UBE2D2: variants seen among roughly 807,000 people sequenced by gnomAD.
UBE2D2 encodes ubiquitin-conjugating enzyme E2 D2.
Under a neutral mutation model 24.2 loss-of-function variants are expected in UBE2D2, and 2 were observed. That is an observed-to-expected ratio of 0.08 (90% confidence interval 0.03 to 0.26). The LOEUF (loss-of-function observed/expected upper bound fraction) is 0.26. UBE2D2 is among the 10% of genes least tolerant of loss of function. UBE2D2 has a pLI of 1.00. For synonymous variants in UBE2D2, 58 were observed against 56.5 expected, an observed-to-expected ratio of 1.03 and a Z score of -0.12; for missense variants, 44 against 177.6, an observed-to-expected ratio of 0.25 and a Z score of 4.28.
At chr5:139,621,711 C>G (rs576552758) in intron 5 of UBE2D2, among the ~76,000 whole-genome samples, 1 of 152,032 alleles carries the variant, frequency 6.6e-6, no homozygotes, top group African/African-American at 2.4e-5. Context: ...CAGCCTTAAC[C>G]TCTTGGGCGT....
chr5:139,572,770 C>T lies in UBE2D2; in HGVS notation c.24+10955C>T, dbSNP rs929714527. ...AAGCAATTCTCCTGCCTCAGCCTCC[C>T]AAGAAAAGAAGCTGGGATTACAGGC... On this transcript the variant is annotated intron_variant, in intron 1 of 6. Transcript: ENST00000398733. 3.3e-5 allele frequency among the ~76,000 whole-genome samples: 5 copies of T among 151,758 alleles called. No homozygotes were observed. The East Asian group carries it at 9.8e-4, about 30-fold the overall frequency.
chr5:139,562,391 C>T, intron 1 of UBE2D2: 1 of 1,305,474 alleles, frequency 7.7e-7, no homozygotes, highest in Non-Finnish European at 1.0e-6. Context: ...GTTGGAAGTT[C>T]AGAAGAAAAA....
At chr5:139,575,909 T>C (rs1753459681) in intron 1 of UBE2D2, among the ~76,000 whole-genome samples, 1 of 152,146 alleles carries the variant, frequency 6.6e-6, no homozygotes, top group Non-Finnish European at 1.5e-5. Flanking sequence ...TCATAGCTAC[T>C]GGGAAGACTG....
rs573846127 is a variant in UBE2D2 at position 139,580,842 on chromosome 5, G to A, written c.24+19027G>A. 5.3e-5 allele frequency among the ~76,000 whole-genome samples: 8 copies of A among 152,300 alleles called. No homozygotes were observed. The South Asian group carries it at 1.7e-3, about 32-fold the overall frequency. ...GATGCTAAGGCAGTATTGCATGAGCGTAGTTTAAGGTTTCAGTGAGCTATG... is the reference window on the plus strand; with the variant it reads ...GATGCTAAGGCAGTATTGCATGAGCATAGTTTAAGGTTTCAGTGAGCTATG... On this transcript the variant is annotated intron_variant, in intron 1 of 6. Coordinates refer to ENST00000398733, the MANE Select transcript of UBE2D2 (RefSeq NM_003339.3).
At chr5:139,591,134 T>G (rs1193853195) in intron 1 of UBE2D2, among the ~76,000 whole-genome samples, 1 of 150,240 alleles carries the variant, frequency 6.7e-6, no homozygotes, top group African/African-American at 2.5e-5. Flanking sequence ...CTCTTTTTTT[T>G]TTTTAAGACG....
intron 1 of UBE2D2, among the ~76,000 whole-genome samples, chr5:139,544,286 G>A (rs1752796796): frequency 6.8e-6 from 1 of 146,938 alleles, no homozygotes; most frequent in Non-Finnish European, 1.5e-5. Context: ...GTGAGCCACT[G>A]CAATTTTTTT....
At chr5:139,551,081 A>G (rs1752914759) in intron 1 of UBE2D2, among the ~76,000 whole-genome samples, 1 of 152,150 alleles carries the variant, frequency 6.6e-6, no homozygotes, top group Non-Finnish European at 1.5e-5. Flanking sequence ...GGGGGAGGTC[A>G]CACCTGTAAT....
chr5:139,573,145 C>CA (rs1182583249), intron 1 of UBE2D2, among the ~76,000 whole-genome samples: 12 of 151,156 alleles, frequency 7.9e-5, no homozygotes, highest in Admixed American at 5.3e-4. Context: ...ACTAAAAATA[C>CA]AAAAAAATTA....
chr5:139,584,533 C>CTT (rs10642044), intron 1 of UBE2D2, among the ~76,000 whole-genome samples: 41,733 of 132,702 alleles, frequency 0.31, 8,552 homozygotes, highest in African/African-American at 0.58. Flanking sequence ...CTTTTCTTTT[C>CTT]TTTTTTTTTT....
intron 5 of UBE2D2, among the ~76,000 whole-genome samples, chr5:139,619,062 T>C (rs1754467150): frequency 6.6e-6 from 1 of 152,160 alleles, no homozygotes; most frequent in African/African-American, 2.4e-5. Flanking sequence ...CATTTGATTA[T>C]ATGTTTTTAG....
intron 1 of UBE2D2, among the ~76,000 whole-genome samples, chr5:139,551,630 G>A (rs1311330772): frequency 6.6e-6 from 1 of 152,184 alleles, no homozygotes; most frequent in Non-Finnish European, 1.5e-5. Context: ...TGAGATGCTA[G>A]ACACTGGGGA....
intron 1 of UBE2D2, chr5:139,554,889 G>A (rs1380699269): frequency 1.3e-5 from 2 of 151,582 alleles, no homozygotes; most frequent in African/African-American, 4.9e-5. Flanking sequence ...ATGATATCGT[G>A]ATTTTTTTTT....
intron 1 of UBE2D2, among the ~76,000 whole-genome samples, chr5:139,564,337 A>G (rs1323382805): frequency 1.3e-5 from 2 of 151,770 alleles, no homozygotes; most frequent in South Asian, 2.1e-4. Flanking sequence ...TGTTTTTAGT[A>G]GAAACGGGGT....
In UBE2D2 at chr5:139,622,226, T is replaced by A. The variant is rs1479654717; in HGVS notation, c.305-1142T>A. Among the ~76,000 whole-genome samples, 35 of 152,034 alleles carry A rather than the reference T, an allele frequency of 2.3e-4. No homozygotes were observed. The East Asian group carries it at 6.8e-3, about 29-fold the overall frequency. ...TTAATTTTCTGCTATTTGTTTTATTTTATTTTTTATTTTTTATTATAATTA... is the reference window on the plus strand; with the variant it reads ...TTAATTTTCTGCTATTTGTTTTATTATATTTTTTATTTTTTATTATAATTA... On this transcript the variant is annotated intron_variant, in intron 5 of 6. Transcript: ENST00000398733.
intron 1 of UBE2D2, among the ~76,000 whole-genome samples, chr5:139,536,438 A>G (rs1405782349): frequency 2.6e-5 from 4 of 151,902 alleles, no homozygotes. Context: ...ATCTTGGCTC[A>G]CTGCAACCTC....
In UBE2D2 at chr5:139,585,100, A is replaced by G. The variant is rs534845957; in HGVS notation, c.25-15272A>G. ...TTTTTAGTAGAGACAGGGCTTCTCC[A>G]TGTTGGTTAGGCTGGTCTCGAACTC... On this transcript the variant is annotated intron_variant, in intron 1 of 6. Coordinates refer to ENST00000398733, the MANE Select transcript of UBE2D2 (RefSeq NM_003339.3). Among the ~76,000 whole-genome samples, 36 of 151,260 alleles carry G rather than the reference A, an allele frequency of 2.4e-4. No homozygotes were observed. The East Asian group carries it at 7.1e-3, about 30-fold the overall frequency.
rs371113656 is a variant in UBE2D2, at chr5:139,570,073, A to G, written c.24+8258A>G. Among the ~76,000 whole-genome samples, 36 of 152,234 alleles carry G rather than the reference A, an allele frequency of 2.4e-4. No individual in the cohort carries two copies. The Middle Eastern group carries it at 0.01, about 43-fold the overall frequency. On this transcript the variant is annotated intron_variant, in intron 1 of 6. Coordinates refer to ENST00000398733, the MANE Select transcript of UBE2D2 (RefSeq NM_003339.3). ...GAGTTCAAGACCAGCTTGGTCTGTA[A>G]TGGGAGACCCTGTCTCTACAAAAGC...
At chr5:139,554,899 T>C (rs558904259) in intron 1 of UBE2D2, 2 of 152,302 alleles carry the variant, frequency 1.3e-5, no homozygotes, top group East Asian at 3.9e-4. Context: ...GATTTTTTTT[T>C]TTAAGGCTAG....
rs563446561 is a variant in UBE2D2 at position 139,547,107 on chromosome 5, G to A, written c.-64+20495G>A. On this transcript the variant is annotated intron_variant, in intron 1 of 6. Coordinates refer to the UBE2D2 transcript ENST00000511725. ...AGATCAAGACCATCCTGGCTAACACGGTGAAATCCCGTCTCTACTAAAAAT... is the reference window on the plus strand; with the variant it reads ...AGATCAAGACCATCCTGGCTAACACAGTGAAATCCCGTCTCTACTAAAAAT... Among the ~76,000 whole-genome samples the A allele has an allele frequency of 2.6e-3, 400 of 151,770 alleles. 4 individuals carry two copies. The highest frequency in any genetic ancestry group is 3.2e-3 in the Non-Finnish European group (215 of 67,934).
Sources: gnomAD v4.1 joint callset for allele counts (sites outside exome capture counted in the v4.1 genomes callset) on GRCh38, gnomAD v4.1.1 for gene constraint, MANE v1.5 for transcripts, NCBI Gene and HGNC (gene_info 2026-07-23, HGNC 2026-07-21) for gene names.